ST7: variants seen among roughly 807,000 people sequenced by gnomAD.
ST7 encodes the protein suppressor of tumorigenicity 7 protein.
Under a neutral mutation model 78.7 loss-of-function variants are expected in ST7, and 28 were observed. The ratio of observed to expected loss-of-function variants is 0.36; its 90% CI spans 0.26 to 0.49. The LOEUF is 0.49. Ranked by LOEUF, ST7 falls within the 20% of genes least tolerant of loss-of-function variation. ST7 has a pLI of 0.99. For synonymous variants in ST7, 247 were observed against 249.6 expected (o/e 0.99, Z 0.10); for missense variants, 418 against 696.0 (o/e 0.60, Z 4.49).
intron 1 of ST7, among the ~76,000 whole-genome samples, chr7:116,985,357 C>G (rs1221873020): frequency 1.3e-5 from 2 of 152,136 alleles, no homozygotes; most frequent in Non-Finnish European, 2.9e-5. Flanking sequence ...TTAGAAGTAT[C>G]AAGATAATTA....
At chr7:117,037,453 A>G (rs1024518428) in intron 1 of ST7, among the ~76,000 whole-genome samples, 1 of 152,204 alleles carries the variant, frequency 6.6e-6, no homozygotes, top group African/African-American at 2.4e-5. Flanking sequence ...ATCACCTTGT[A>G]ACCTGAGTTA....
chr7:116,984,677 C>A (rs1480932579), intron 1 of ST7, among the ~76,000 whole-genome samples: 2 of 152,000 alleles, frequency 1.3e-5, no homozygotes, highest in Non-Finnish European at 2.9e-5. Context: ...ACTTTCTTAC[C>A]CTGTTCCTGT....
chr7:116,967,364 C>T (rs1793175904), intron 1 of ST7: 1 of 471,246 alleles, frequency 2.1e-6, no homozygotes, highest in Non-Finnish European at 4.4e-6. Flanking sequence ...ACTTCTGGCT[C>T]CTGGTGCTTA....
intron 12 of ST7, among the ~76,000 whole-genome samples, chr7:117,206,568 G>A (rs1405498120): frequency 6.6e-6 from 1 of 152,102 alleles, no homozygotes; most frequent in Admixed American, 6.5e-5. Flanking sequence ...ATGTCCTTGA[G>A]GCCATATGTA....
At chr7:117,131,010 A>G (rs1804302671) in intron 5 of ST7, among the ~76,000 whole-genome samples, 1 of 151,720 alleles carries the variant, frequency 6.6e-6, no homozygotes. Flanking sequence ...TTATTTGCCT[A>G]TTTATAGGTT....
intron 1 of ST7, among the ~76,000 whole-genome samples, chr7:117,049,159 G>A (rs1355363456): frequency 2.0e-5 from 3 of 152,092 alleles, no homozygotes; most frequent in African/African-American, 7.2e-5. Flanking sequence ...GGGCAGTCTA[G>A]GTCATAAACC....
chr7:117,154,481 C>A (rs968684377), intron 9 of ST7, among the ~76,000 whole-genome samples: 1 of 152,046 alleles, frequency 6.6e-6, no homozygotes, highest in African/African-American at 2.4e-5. Context: ...GCAGGTGGGG[C>A]CTGCAGAGGA....
chr7:117,091,162 A>G (rs1040712129), intron 1 of ST7, among the ~76,000 whole-genome samples: 1 of 152,170 alleles, frequency 6.6e-6, no homozygotes, highest in African/African-American at 2.4e-5. Context: ...TTATACTTCC[A>G]TGTCTTTTCC....
chr7:116,999,195 G>A (rs1238329121), intron 1 of ST7, among the ~76,000 whole-genome samples: 1 of 151,834 alleles, frequency 6.6e-6, no homozygotes, highest in African/African-American at 2.4e-5. Flanking sequence ...TTCAATAGTA[G>A]GCCTCCTAAT....
chr7:117,024,500 C>T (rs763463601), intron 1 of ST7, among the ~76,000 whole-genome samples: 2 of 152,178 alleles, frequency 1.3e-5, no homozygotes, highest in African/African-American at 2.4e-5. Context: ...TCCAAAGCAC[C>T]TACCTTATTA....
chr7:117,193,008 G>A (rs1357069083), intron 12 of ST7, among the ~76,000 whole-genome samples: 1 of 152,192 alleles, frequency 6.6e-6, no homozygotes, highest in Admixed American at 6.5e-5. Flanking sequence ...CTGAGGGGGA[G>A]ATGTGTTTCC....
chr7:117,119,469 G>A lies in ST7; in HGVS notation c.235-92G>A, dbSNP rs1803185915. On this transcript the variant is annotated intron_variant, in intron 2 of 15. Transcript: ENST00000323984. ...TTTTGAAATAAAATATACTTAAGGTGGAATTAGTAAATGTAACATGTTTTA... is the reference window on the plus strand; with the variant it reads ...TTTTGAAATAAAATATACTTAAGGTAGAATTAGTAAATGTAACATGTTTTA... 9 of 1,197,010 alleles carry A rather than the reference G, an allele frequency of 7.5e-6. No homozygotes were observed. In the South Asian group the frequency reaches 1.1e-4, roughly 15 times the overall value. The allele number at this position is 1,197,010 out of a possible 1,614,324, so 74.1% of individuals were successfully genotyped here.
Position 117,134,143 on chromosome 7 carries a change from G to A in ST7, c.661G>A (p.Val221Ile). Residue 221 changes from valine (V) to isoleucine (I), a missense_variant, in exon 7 of 16, where the codon GTT becomes ATT. Physicochemically the swap from Val to Ile is conservative, Grantham distance 29. Transcript: ENST00000323984. ...EINEIRSRVE[V>I]PLIASSTIWE... Reference sequence around the variant, plus strand: ...GGTCAGAATTAGGTCCAGAGTTGAAGTTCCCCTAATTGCTTCCTCTACCAT... The same window carrying A: ...GGTCAGAATTAGGTCCAGAGTTGAAATTCCCCTAATTGCTTCCTCTACCAT... 1 of 1,611,874 alleles carries A rather than the reference G, an allele frequency of 6.2e-7. No individual in the cohort carries two copies. The highest frequency in any genetic ancestry group is 8.5e-7 in the Non-Finnish European group (1 of 1,178,734).
chr7:117,097,928 T>TTTTTTTTTG (rs1801247785), intron 1 of ST7, among the ~76,000 whole-genome samples: 1 of 75,520 alleles, frequency 1.3e-5, no homozygotes, highest in African/African-American at 4.1e-5. Flanking sequence ...TTTTTTTTTT[T>TTTTTTTTTG]GATGGCCAGG....
At chr7:117,119,092 C>T (rs1411607747) in intron 2 of ST7, among the ~76,000 whole-genome samples, 1 of 152,114 alleles carries the variant, frequency 6.6e-6, no homozygotes, top group Admixed American at 6.5e-5. Flanking sequence ...CCAAGCACCC[C>T]CACTCCTTCC....
At chr7:117,037,524 C>T (rs895601620) in intron 1 of ST7, among the ~76,000 whole-genome samples, 1 of 152,116 alleles carries the variant, frequency 6.6e-6, no homozygotes, top group Non-Finnish European at 1.5e-5. Flanking sequence ...TCACATTGTC[C>T]TATTGGGGCT....
chr7:117,206,264 G>A (rs960332958), intron 12 of ST7, among the ~76,000 whole-genome samples: 1 of 152,208 alleles, frequency 6.6e-6, no homozygotes, highest in Non-Finnish European at 1.5e-5. Flanking sequence ...TCATAAGGCT[G>A]ATTAGGCCAG....
At chr7:117,152,567 G>A (rs1037816024) in intron 9 of ST7, among the ~76,000 whole-genome samples, 4 of 152,140 alleles carry the variant, frequency 2.6e-5, no homozygotes, top group African/African-American at 7.2e-5. Flanking sequence ...TTTCATTACA[G>A]GTATAGATTT....
chr7:117,066,094 C>T (rs999602821), intron 1 of ST7, among the ~76,000 whole-genome samples: 1 of 152,192 alleles, frequency 6.6e-6, no homozygotes, highest in Non-Finnish European at 1.5e-5. Context: ...TAAACTAAGT[C>T]CTCCTGATTT....
Sources: gnomAD v4.1 joint callset for allele counts (sites outside exome capture counted in the v4.1 genomes callset) on GRCh38, gnomAD v4.1.1 for gene constraint, MANE v1.5 for transcripts, NCBI Gene and HGNC (gene_info 2026-07-23, HGNC 2026-07-21) for gene names.